UCMA: variants seen among roughly 807,000 people sequenced by gnomAD.
UCMA encodes the protein upper zone of growth plate and cartilage matrix associated, also known as upper zone of growth plate and cartilage matrix-associated protein.
A neutral mutation model predicts 21.8 loss-of-function variants in UCMA; 21 were observed. That is an observed-to-expected ratio of 0.97 (90% CI 0.68 to 1.39). The LOEUF is 1.39. Ranked by LOEUF, UCMA falls within the 40% of genes most tolerant of loss-of-function variation. The pLI is 0.00. For missense variants in UCMA, 193 were observed against 178.9 expected, an observed-to-expected ratio of 1.08 and a Z score of -0.45; for synonymous variants, 76 against 67.9, an observed-to-expected ratio of 1.12 and a Z score of -0.58.
intron 4 of UCMA, among the ~76,000 whole-genome samples, chr10:13,224,890 G>A (rs1431046433): frequency 6.6e-6 from 1 of 152,122 alleles, no homozygotes; most frequent in East Asian, 1.9e-4. Flanking sequence ...ATCCCATTAG[G>A]TACTTGATAG....
rs750537836 is a variant in UCMA, at chr10:13,233,607, C to T, written c.151G>A (p.Glu51Lys). Reference sequence around the variant, plus strand: ...TTGAGGAAATTCGAGGCATCTGATTCCTGCATGAAAATCTTCTGTTTTGCA... The same window carrying T: ...TTGAGGAAATTCGAGGCATCTGATTTCTGCATGAAAATCTTCTGTTTTGCA... ...EDAKQKIFMQ[E>K]SDASNFLKRR... Residue 51 changes from glutamate (E) to lysine (K), a missense_variant, in exon 3 of 5, where the codon GAA (glutamate) becomes AAA (lysine). By Grantham distance (56) the Glu-to-Lys change is moderately conservative. Coordinates refer to ENST00000378681, the MANE Select transcript of UCMA (RefSeq NM_145314.3). The T allele has an allele frequency of 1.2e-6, 2 of 1,614,086 alleles. No homozygotes were observed. The highest frequency in any genetic ancestry group is 1.7e-6 in the Non-Finnish European group (2 of 1,180,034).
intron 4 of UCMA, among the ~76,000 whole-genome samples, chr10:13,225,040 G>C (rs562430269): frequency 4.6e-5 from 7 of 152,076 alleles, no homozygotes; most frequent in African/African-American, 1.7e-4. Flanking sequence ...TGACGTAGAA[G>C]TTGATTCAGC....
At chr10:13,224,104 G>A (rs552830323) in intron 4 of UCMA, among the ~76,000 whole-genome samples, 4 of 152,252 alleles carry the variant, frequency 2.6e-5, no homozygotes, top group South Asian at 4.1e-4. Context: ...TGGTAGGATC[G>A]CTTGAAGCCA....
At chr10:13,233,671 G>T (rs752216739) in intron 2 of UCMA, 38 bp from the exon 3 acceptor site, 8 of 1,613,584 alleles carry the variant, frequency 5.0e-6, no homozygotes, top group Non-Finnish European at 6.8e-6. Flanking sequence ...GCAGTGTGGG[G>T]GTGCTGGGGC....
intron 4 of UCMA, among the ~76,000 whole-genome samples, chr10:13,225,349 C>T (rs1418177802): frequency 1.4e-5 from 2 of 143,224 alleles, no homozygotes; most frequent in Non-Finnish European, 1.5e-5. Context: ...GGGGAGATGT[C>T]GAATATCCAA....
chr10:13,226,491 A>C (rs940878024), intron 4 of UCMA, among the ~76,000 whole-genome samples: 1 of 151,876 alleles, frequency 6.6e-6, no homozygotes, highest in Admixed American at 6.6e-5. Flanking sequence ...TTAATTGAAA[A>C]ATTTTTTTTC....
At chr10:13,230,235 G>A (rs1000691950) in intron 3 of UCMA, among the ~76,000 whole-genome samples, 2 of 152,186 alleles carry the variant, frequency 1.3e-5, no homozygotes, top group Non-Finnish European at 2.9e-5. Context: ...TTGAGGCCAG[G>A]AGTTCAAGGC....
intron 3 of UCMA, among the ~76,000 whole-genome samples, chr10:13,231,174 A>T (rs1020651089): frequency 6.6e-6 from 1 of 152,202 alleles, no homozygotes; most frequent in Admixed American, 6.5e-5. Context: ...TCAGATTAAA[A>T]ATCAAGTTAT....
Position 13,224,786 on chromosome 10 carries a change from G to A in UCMA, c.320-2586C>T, listed in dbSNP as rs145953055. 6.0e-3 allele frequency among the ~76,000 whole-genome samples: 921 copies of A among 152,310 alleles called. 6 individuals carry two copies. Among genetic ancestry groups the A allele is most frequent in the Non-Finnish European group, 0.011 (719 of 68,024 alleles). On this transcript the variant is annotated intron_variant, in intron 4 of 4. Coordinates refer to ENST00000378681, the MANE Select transcript of UCMA (RefSeq NM_145314.3). Reference sequence around the variant, plus strand: ...CTCACCTCGGCCCAGCTGGGTGCAGGGCCCAGTGACCAAGGCATGTTGAGG... The same window carrying A: ...CTCACCTCGGCCCAGCTGGGTGCAGAGCCCAGTGACCAAGGCATGTTGAGG...
chr10:13,232,146 G>GT lies in UCMA; in HGVS notation c.220+1391_220+1392insA, dbSNP rs1362693704. 3.7e-5 allele frequency among the ~76,000 whole-genome samples: 3 copies of GT among 80,652 alleles called. No individual in the cohort carries two copies. In the East Asian group the frequency reaches 2.0e-3, roughly 53 times the overall value. 52.9% of individuals were successfully genotyped at this position (80,652 alleles called of 152,430 possible). ...CTCAGCACTCTAAGAGGCCGAGGCA[G>GT]GGGGGTCACCTGAGTTCAGGAGTTC... On this transcript the variant is annotated intron_variant, in intron 3 of 4. Coordinates refer to ENST00000378681, the MANE Select transcript of UCMA (RefSeq NM_145314.3).
chr10:13,228,832 G>A lies in UCMA; in HGVS notation c.319+779C>T, dbSNP rs929327978. 5.6e-5 allele frequency among the ~76,000 whole-genome samples: 7 copies of A among 126,052 alleles called. No homozygotes were observed. The Admixed American group carries it at 5.9e-4, about 11-fold the overall frequency. The allele number at this position is 126,052 out of a possible 152,430, so 82.7% of individuals were successfully genotyped here. A position where few individuals can be genotyped will look rare whatever the true frequency, so the allele number is the denominator to read the frequency against. On this transcript the variant is annotated intron_variant, in intron 4 of 4. Coordinates refer to ENST00000378681, the MANE Select transcript of UCMA (RefSeq NM_145314.3). ...ATATCCACACAGTCAGCAAACAGTT[G>A]CCCCATCCCCACAGCCCCAAGCCAA... is the stretch of plus-strand genomic sequence containing the variant.
intron 3 of UCMA, among the ~76,000 whole-genome samples, chr10:13,231,493 G>A (rs370857059): frequency 1.3e-5 from 2 of 152,274 alleles, no homozygotes; most frequent in East Asian, 1.9e-4. Context: ...TGCTCCAAGC[G>A]CCAGAAAGCC....
At chr10:13,223,225 CAA>C (rs199884773) in intron 4 of UCMA, among the ~76,000 whole-genome samples, 9 of 117,050 alleles carry the variant, frequency 7.7e-5, no homozygotes, top group Non-Finnish European at 9.1e-5. Flanking sequence ...GATCCTATCT[CAA>C]AAAAAAAAAA....
chr10:13,228,232 A>C (rs961337642), intron 4 of UCMA, among the ~76,000 whole-genome samples: 1 of 151,660 alleles, frequency 6.6e-6, no homozygotes, highest in Non-Finnish European at 1.5e-5. Flanking sequence ...GCTAATTTTT[A>C]ATTATTTTTA....
At position 13,227,743 on chromosome 10, in the gene UCMA, TACAC is replaced by T. The variant is rs55831241; in HGVS notation, c.319+1864_319+1867del. 3.7e-3 allele frequency among the ~76,000 whole-genome samples: 412 copies of T among 110,678 alleles called. 9 individuals are homozygous for T. Among genetic ancestry groups the T allele is most frequent in the East Asian group, 0.036 (130 of 3,570 alleles). 72.6% of individuals were successfully genotyped at this position (110,678 alleles called of 152,430 possible). A position where few individuals can be genotyped will look rare whatever the true frequency, so the allele number is the denominator to read the frequency against. On this transcript the variant is annotated intron_variant, in intron 4 of 4. Coordinates refer to ENST00000378681, the MANE Select transcript of UCMA (RefSeq NM_145314.3). ...AAAAAAAAAAAAAAAGGAAAGGAAA[TACAC>T]ACACACACACACACACACACACACA...
chr10:13,229,531 G>A, intron 4 of UCMA, 80 bp downstream of exon 4: 1 of 1,301,052 alleles, frequency 7.7e-7, no homozygotes, highest in Non-Finnish European at 1.1e-6. Flanking sequence ...AAAAAAGTTG[G>A]GTAGAAGAAG....
At chr10:13,227,067 T>C (rs1834831633) in intron 4 of UCMA, among the ~76,000 whole-genome samples, 1 of 152,078 alleles carries the variant, frequency 6.6e-6, no homozygotes, top group Admixed American at 6.6e-5. Flanking sequence ...AGCAGAAGTG[T>C]GTGCTTCCAA....
intron 4 of UCMA, among the ~76,000 whole-genome samples, chr10:13,224,300 C>T (rs372158978): frequency 3.6e-5 from 5 of 140,348 alleles, no homozygotes; most frequent in African/African-American, 1.3e-4. Flanking sequence ...GCACTCCAAC[C>T]TGGGTAACAG....
chr10:13,223,001 G>C (rs527785359), intron 4 of UCMA, among the ~76,000 whole-genome samples: 1 of 151,878 alleles, frequency 6.6e-6, no homozygotes, highest in Admixed American at 6.5e-5. Flanking sequence ...GAGGCTGGCA[G>C]ATCACCCAAA....
Sources: allele counts gnomAD v4.1 joint callset (sites outside exome capture counted in the v4.1 genomes callset), GRCh38; gene constraint gnomAD v4.1.1; transcripts MANE v1.5; gene names NCBI Gene and HGNC (gene_info 2026-07-23, HGNC 2026-07-21).